The following NOC2L variants were observed in gnomAD, a reference collection of about 807,000 sequenced individuals.
NOC2L encodes the protein NOC2 like nucleolar associated transcriptional repressor.
Under a neutral mutation model 94.2 loss-of-function variants are expected in NOC2L, and 101 were observed. The ratio of observed to expected loss-of-function variants is 1.07; its 90% CI spans 0.91 to 1.26. The LOEUF (loss-of-function observed/expected upper bound fraction) is 1.26. NOC2L is among the 50% of genes most tolerant of loss of function. NOC2L has a pLI of 0.00. For missense variants in NOC2L, 1,076 were observed against 980.1 expected (o/e 1.10, Z -1.31); for synonymous variants, 531 against 413.4 (o/e 1.28, Z -3.45).
intron 12 of NOC2L, 55 bp from the exon 13 acceptor site, chr1:948,658 TCACCCTGGCTG>T (rs1433206387): frequency 2.9e-5 from 41 of 1,433,888 alleles, no homozygotes; most frequent in Non-Finnish European, 3.6e-5. Context: ...CACCCTGGCT[TCACCCTGGCTG>T]CACCCTGGTC....
chr1:952,957 A>G (rs771078623), intron 9 of NOC2L, among the ~76,000 whole-genome samples: 39 of 152,242 alleles, frequency 2.6e-4, no homozygotes, highest in Non-Finnish European at 5.0e-4. Flanking sequence ...TGTGTGAAGC[A>G]GGGTCCAGGT....
intron 2 of NOC2L, 190 bp downstream of exon 2, chr1:958,739 T>A (rs1466164303): frequency 2.8e-6 from 2 of 719,090 alleles, no homozygotes; most frequent in African/African-American, 3.5e-5. Context: ...GCTCCCTGCC[T>A]AGGACAGAGT....
rs1485908480 is a variant in NOC2L, at chr1:949,450, C to T, written c.1444-847G>A. On this transcript the variant is annotated intron_variant, in intron 12 of 18. Coordinates refer to ENST00000327044, the MANE Select transcript of NOC2L (RefSeq NM_015658.4). ...AGCCTGGGCCAAAAGTATGGGCAGGCGACTGGCTTCCTGTCCAGGCACCGG... is the reference window on the plus strand; with the variant it reads ...AGCCTGGGCCAAAAGTATGGGCAGGTGACTGGCTTCCTGTCCAGGCACCGG... 9.8e-5 allele frequency among the ~76,000 whole-genome samples: 15 copies of T among 152,314 alleles called. No homozygotes were observed. In the South Asian group the frequency reaches 2.5e-3, roughly 25 times the overall value.
intron 10 of NOC2L, 93 bp downstream of exon 10, chr1:952,319 G>T: frequency 1.3e-6 from 2 of 1,495,878 alleles, no homozygotes; most frequent in Non-Finnish European, 9.1e-7. Flanking sequence ...CCAGACAGGG[G>T]CTTCGGGGAG....
At chr1:950,201 T>TAC (rs1177357342) in intron 12 of NOC2L, among the ~76,000 whole-genome samples, 2 of 142,860 alleles carry the variant, frequency 1.4e-5, no homozygotes, top group Non-Finnish European at 1.5e-5. Flanking sequence ...AGTGTACAGG[T>TAC]ACACGCACAG....
rs866217762 is a variant in NOC2L at position 953,554 on chromosome 1, G to A, written c.888+228C>T. On this transcript the variant is annotated intron_variant, in intron 8 of 18. Transcript: ENST00000327044. ...CACACCGGGAAGAAGATACCTCACC[G>A]TGGCTTTGCTCACGGACTGAGCCGC... is the stretch of plus-strand genomic sequence containing the variant. 4.6e-5 allele frequency among the ~76,000 whole-genome samples: 7 copies of A among 152,380 alleles called. No homozygotes were observed. In the South Asian group the frequency reaches 1.4e-3, roughly 32 times the overall value.
Position 959,244 on chromosome 1 carries a change from A to G in NOC2L, c.-4T>C. Reference sequence around the variant, plus strand: ...TGCGGCTCCCCGCAGCTGCCATGACACCAACCCGAAGCGTGCACCCCACTT... The same window carrying G: ...TGCGGCTCCCCGCAGCTGCCATGACGCCAACCCGAAGCGTGCACCCCACTT... On this transcript the variant is annotated 5_prime_UTR_variant, in exon 1 of 19. Transcript: ENST00000327044. 1.2e-6 allele frequency: 2 copies of G among 1,605,316 alleles called. No homozygotes were observed. Among genetic ancestry groups the G allele is most frequent in the South Asian group, 1.1e-5 (1 of 90,248 alleles).
intron 14 of NOC2L, 135 bp downstream of exon 14, chr1:947,996 G>T (rs1642162720): frequency 8.7e-6 from 6 of 690,392 alleles, no homozygotes; most frequent in Non-Finnish European, 1.5e-5. Context: ...GCCTCACGGG[G>T]CGCGTTGCCA....
At chr1:946,755 A>G (rs1271967084) in intron 14 of NOC2L, 4 of 557,298 alleles carry the variant, frequency 7.2e-6, no homozygotes, top group African/African-American at 5.7e-5. Context: ...CCCACTACTC[A>G]CCTCTGGAAA....
chr1:956,565 A>G (rs13303106), intron 4 of NOC2L, among the ~76,000 whole-genome samples: 75,059 of 152,046 alleles, frequency 0.49, 21,521 homozygotes, highest in East Asian at 0.66. Flanking sequence ...ACAAAGGCAC[A>G]GTCCGTCCCA....
At position 959,013 on chromosome 1, in the gene NOC2L, G is replaced by A. The variant is rs755297883; in HGVS notation, c.95C>T (p.Ser32Phe). 9 of 1,612,402 alleles carry A rather than the reference G, an allele frequency of 5.6e-6. No individual in the cohort carries two copies. The highest frequency in any genetic ancestry group is 1.6e-4 in the Middle Eastern group (1 of 6,080). The change falls in exon 2 of 19, where the codon TCC becomes TTC. Residue 32 changes from serine to phenylalanine, a missense_variant. Transcript: ENST00000327044. ...TGTCTCCGCTTGTGGAGAATTTTCG[G>A]ACTCGGATTCGGACTCGGAGTCAAA... ...SGFDSESESE[S>F]ENSPQAETRE...
At position 945,517 on chromosome 1, in the gene NOC2L, C is replaced by G; in HGVS notation, c.2053+1G>C. 2 of 1,613,656 alleles carry G rather than the reference C, an allele frequency of 1.2e-6. No homozygotes were observed. Among genetic ancestry groups the G allele is most frequent in the Non-Finnish European group, 1.7e-6 (2 of 1,179,806 alleles). ...CCCTGGGAGCACCACGCAGGCCCCACCTCTCTCCGAGAATCCCTCGGTGTC... is the reference window on the plus strand; with the variant it reads ...CCCTGGGAGCACCACGCAGGCCCCAGCTCTCTCCGAGAATCCCTCGGTGTC... On this transcript the variant is annotated splice_donor_variant, in intron 17 of 18. Coordinates refer to ENST00000327044, the MANE Select transcript of NOC2L (RefSeq NM_015658.4). LOFTEE classifies it high-confidence loss of function.
intron 12 of NOC2L, among the ~76,000 whole-genome samples, chr1:948,846 G>C (rs1235404707): frequency 6.6e-6 from 1 of 152,124 alleles, no homozygotes; most frequent in African/African-American, 2.4e-5. Context: ...CTGATCAGCA[G>C]GGAAGGATCA....
intron 14 of NOC2L, among the ~76,000 whole-genome samples, chr1:947,283 G>A (rs752904973): frequency 1.3e-5 from 2 of 152,222 alleles, no homozygotes; most frequent in Admixed American, 6.5e-5. Context: ...CACCCAAGAG[G>A]ACATGGGAGG....
In NOC2L at chr1:946,223, G is replaced by T. The variant is rs768154020; in HGVS notation, c.1867C>A (p.Arg623Ser). Residue 623 changes from arginine to serine, a missense_variant, in exon 16 of 19, where the codon CGC becomes AGC. Physicochemically the swap from Arg to Ser is moderately radical, Grantham distance 110. Transcript: ENST00000327044. The stretch of plus-strand genomic sequence containing the variant: ...TGGATCTCCCGGTCACGCAGCTTGC[G>T]CCAGTGGCTGTAGTACAAGGTCAGG... ...TPLTLYYSHW[R>S]KLRDREIQLE... 2.4e-5 allele frequency: 38 copies of T among 1,613,608 alleles called. No homozygotes were observed. Among genetic ancestry groups the T allele is most frequent in the Non-Finnish European group, 2.6e-5 (31 of 1,179,862 alleles).
chr1:944,600 T>C lies in NOC2L; in HGVS notation c.*94A>G, dbSNP rs1642033553. 1.3e-6 allele frequency: 1 copy of C among 753,082 alleles called. No individual in the cohort carries two copies. The highest frequency in any genetic ancestry group is 2.7e-5 in the Admixed American group (1 of 36,674). The allele number at this position is 753,082 out of a possible 1,614,324, so 46.6% of individuals were successfully genotyped here. On this transcript the variant is annotated 3_prime_UTR_variant, in exon 19 of 19. Transcript: ENST00000327044. ...TCCCGTGTCTACTGCCTCCCCCAACTGCACAGACGCCAGCCTCTAGGCCTG... is the reference window on the plus strand; with the variant it reads ...TCCCGTGTCTACTGCCTCCCCCAACCGCACAGACGCCAGCCTCTAGGCCTG...
Position 944,493 on chromosome 1 carries a change from C to T in NOC2L, c.*201G>A. ...ACTTCAGCAGCCCACAGCTGTGGGG[C>T]TTCAGCAGCCACACCAGCCCAGCCC... On this transcript the variant is annotated 3_prime_UTR_variant, in exon 19 of 19. Transcript: ENST00000327044. The T allele has an allele frequency of 1.5e-6, 1 of 654,162 alleles. No homozygotes were observed. The highest frequency in any genetic ancestry group is 2.5e-6 in the Non-Finnish European group (1 of 402,176). 40.5% of individuals were successfully genotyped at this position (654,162 alleles called of 1,614,324 possible). A position where few individuals can be genotyped will look rare whatever the true frequency, so the allele number is the denominator to read the frequency against.
chr1:946,267 G>A lies in NOC2L; in HGVS notation c.1823C>T (p.Thr608Ile). 6.2e-7 allele frequency: 1 copy of A among 1,613,698 alleles called. No individual in the cohort carries two copies. Among genetic ancestry groups the A allele is most frequent in the Non-Finnish European group, 8.5e-7 (1 of 1,179,778 alleles). The change falls in exon 16 of 19, where the codon ACC becomes ATC. Residue 608 changes from threonine to isoleucine, a missense_variant. Coordinates refer to ENST00000327044, the MANE Select transcript of NOC2L (RefSeq NM_015658.4). ...QQAVEAWEKL[T>I]REEGTPLTLY... Reference sequence around the variant, plus strand: ...GGTCAGGGGTGTCCCCTCTTCCCGGGTCAGCTTCTCCCAGGCTTCCTGGGG... The same window carrying A: ...GGTCAGGGGTGTCCCCTCTTCCCGGATCAGCTTCTCCCAGGCTTCCTGGGG...
At chr1:945,992 G>C (rs554832344) in intron 16 of NOC2L, among the ~76,000 whole-genome samples, 181 bp downstream of exon 16, 2 of 152,304 alleles carry the variant, frequency 1.3e-5, no homozygotes, top group East Asian at 3.9e-4. Flanking sequence ...CCCCTCCCTG[G>C]AAACGCCTGG....
Sources: gnomAD v4.1 joint callset for allele counts (sites outside exome capture counted in the v4.1 genomes callset) on GRCh38, gnomAD v4.1.1 for gene constraint, MANE v1.5 for transcripts, NCBI Gene and HGNC (gene_info 2026-07-23, HGNC 2026-07-21) for gene names.